Variants in ZC3H14 observed in about 807,000 individuals in gnomAD.
The protein encoded by ZC3H14 is zinc finger CCCH domain-containing protein 14.
A neutral mutation model predicts 92.4 loss-of-function variants in ZC3H14; 31 were observed. The observed-to-expected ratio is 0.34, with a 90% confidence interval of 0.25 to 0.45. The LOEUF (loss-of-function observed/expected upper bound fraction) is 0.45, where lower values mean the gene tolerates loss of function less well. ZC3H14 is among the 20% of genes least tolerant of loss of function. The pLI, the probability that ZC3H14 is intolerant of heterozygous loss-of-function variation, is 1.00. For missense variants in ZC3H14, 781 were observed against 897.3 expected (o/e 0.87, Z 1.66); for synonymous variants, 321 against 300.9 (o/e 1.07, Z -0.69).
chr14:88,570,340 CTGGGAAGGGA>C (rs896012543), intron 3 of ZC3H14, among the ~76,000 whole-genome samples: 6 of 152,060 alleles, frequency 3.9e-5, no homozygotes, highest in African/African-American at 1.4e-4. Flanking sequence ...TTGAGAGGTA[CTGGGAAGGGA>C]TGTAAGGCAA....
At chr14:88,603,918 A>G (rs1004664596) in intron 12 of ZC3H14, among the ~76,000 whole-genome samples, 5 of 152,210 alleles carry the variant, frequency 3.3e-5, no homozygotes, top group Non-Finnish European at 4.4e-5. Context: ...GAGCAATAAC[A>G]CTTAGCTTTA....
At chr14:88,566,369 T>C (rs1258299418) in intron 2 of ZC3H14, among the ~76,000 whole-genome samples, 1 of 151,806 alleles carries the variant, frequency 6.6e-6, no homozygotes. Flanking sequence ...GACCAAACAG[T>C]TTGAGAATTG....
intron 9 of ZC3H14, among the ~76,000 whole-genome samples, chr14:88,583,133 T>A (rs2139777083): frequency 6.6e-6 from 1 of 151,466 alleles, no homozygotes; most frequent in African/African-American, 2.4e-5. Flanking sequence ...TGTGCTTTTT[T>A]TTTATTTTTT....
chr14:88,569,691 C>T (rs1433805635), intron 3 of ZC3H14, among the ~76,000 whole-genome samples: 2 of 152,202 alleles, frequency 1.3e-5, no homozygotes, highest in Non-Finnish European at 2.9e-5. Context: ...CAAGAGGAGG[C>T]ACTGAGTGGG....
Position 88,625,082 on chromosome 14 carries a change from A to G in ZC3H14, c.*13331A>G. The G allele has an allele frequency of 6.2e-7, 1 of 1,613,972 alleles. No homozygotes were observed. Among genetic ancestry groups the G allele is most frequent in the Non-Finnish European group, 8.5e-7 (1 of 1,179,858 alleles). ...ATTCTACACAATATGTGATCTTTCC[A>G]CACACAGACATCACCACTGATGGTA... is the stretch of plus-strand genomic sequence containing the variant. On this transcript the variant is annotated 3_prime_UTR_variant, in exon 17 of 17. Coordinates refer to ENST00000251038, the MANE Select transcript of ZC3H14 (RefSeq NM_024824.5).
chr14:88,587,218 A>G (rs1353097273), intron 9 of ZC3H14, among the ~76,000 whole-genome samples: 3 of 151,046 alleles, frequency 2.0e-5, no homozygotes, highest in Non-Finnish European at 4.4e-5. Context: ...GCTGGAGTGC[A>G]GTGGCGTAAT....
At chr14:88,574,989 T>G in intron 7 of ZC3H14, 136 bp downstream of exon 7, 1 of 1,353,610 alleles carries the variant, frequency 7.4e-7, no homozygotes, top group South Asian at 1.3e-5. Flanking sequence ...CAGGCTGGAG[T>G]GCAGTGCCAC....
intron 9 of ZC3H14, chr14:88,590,468 G>C (rs370729260): frequency 7.9e-5 from 12 of 152,450 alleles, no homozygotes; most frequent in African/African-American, 2.4e-4. Flanking sequence ...CGTCTCAGAT[G>C]CTTTTGCCCT....
rs1031264084 is a variant in ZC3H14 at position 88,616,544 on chromosome 14, G to T, written c.*4793G>T. The T allele has an allele frequency of 6.3e-6, 4 of 630,016 alleles. No individual in the cohort carries two copies. Among genetic ancestry groups the T allele is most frequent in the African/African-American group, 1.8e-5 (1 of 54,556 alleles). The allele number at this position is 630,016 out of a possible 1,614,324, so 39.0% of individuals were successfully genotyped here. On this transcript the variant is annotated 3_prime_UTR_variant, in exon 17 of 17. Transcript: ENST00000251038. ...CTTTTGTAGGATGGTTCCAAAGATG[G>T]TATTACTCGAGGGAGAGGATTTGTT...
chr14:88,577,966 T>C lies in ZC3H14; in HGVS notation c.1124-19T>C. The C allele has an allele frequency of 6.2e-7, 1 of 1,614,024 alleles. No homozygotes were observed. The highest frequency in any genetic ancestry group is 2.2e-5 in the East Asian group (1 of 44,872). On this transcript the variant is annotated intron_variant, in intron 8 of 16. Coordinates refer to ENST00000251038, the MANE Select transcript of ZC3H14 (RefSeq NM_024824.5). Reference sequence around the variant, plus strand: ...ATTACTGCATTTGTATTTCTATCTTTTTTGCTTTTATGTGAAAGTTCCACA... The same window carrying C: ...ATTACTGCATTTGTATTTCTATCTTCTTTGCTTTTATGTGAAAGTTCCACA...
intron 6 of ZC3H14, among the ~76,000 whole-genome samples, chr14:88,573,972 C>A (rs1333835613): frequency 6.6e-6 from 1 of 152,098 alleles, no homozygotes; most frequent in African/African-American, 2.4e-5. Context: ...ACCAGATTTT[C>A]TTCCCCATGG....
intron 9 of ZC3H14, among the ~76,000 whole-genome samples, chr14:88,583,337 G>A (rs1423180230): frequency 6.6e-6 from 1 of 151,748 alleles, no homozygotes; most frequent in Non-Finnish European, 1.5e-5. Flanking sequence ...AGGCTGGTCT[G>A]GAACTCCTGA....
chr14:88,574,618 A>C (rs1241641566), intron 6 of ZC3H14, 75 bp from the exon 7 acceptor site: 1 of 1,574,256 alleles, frequency 6.4e-7, no homozygotes, highest in East Asian at 2.2e-5. Flanking sequence ...TTTTTTTCTT[A>C]AAATGGAAAC....
At position 88,618,608 on chromosome 14, in the gene ZC3H14, C is replaced by A. The variant is rs201768125; in HGVS notation, c.*6857C>A. ...CATTCACTAACACGAAATGTAAAAG[C>A]AGAAGAACTTGCCACCTGGGTATAC... On this transcript the variant is annotated 3_prime_UTR_variant, in exon 17 of 17. Transcript: ENST00000251038. The A allele has an allele frequency of 7.6e-6, 12 of 1,573,880 alleles. No homozygotes were observed. The East Asian group carries it at 1.8e-4, about 24-fold the overall frequency.
chr14:88,622,943 C>G lies in ZC3H14; in HGVS notation c.*11192C>G, dbSNP rs200473832. On this transcript the variant is annotated 3_prime_UTR_variant, in exon 17 of 17. Coordinates refer to ENST00000251038, the MANE Select transcript of ZC3H14 (RefSeq NM_024824.5). ...AGTGAATTTTATTTTGAGAAATACT[C>G]TTTTTTTCTGACATGAGCATAATTT... 2.2e-4 allele frequency: 85 copies of G among 389,050 alleles called. No homozygotes were observed. In the East Asian group the frequency reaches 3.3e-3, roughly 15 times the overall value. 24.1% of individuals were successfully genotyped at this position (389,050 alleles called of 1,614,324 possible).
At chr14:88,602,677 C>T in intron 11 of ZC3H14, 151 bp from the exon 12 acceptor site, 1 of 759,086 alleles carries the variant, frequency 1.3e-6, no homozygotes, top group Non-Finnish European at 2.2e-6. Context: ...GAGAACCCAC[C>T]AGTGCTGCAC....
At position 88,571,121 on chromosome 14, in the gene ZC3H14, A is replaced by G; in HGVS notation, c.232A>G (p.Thr78Ala). 1.3e-6 allele frequency: 2 copies of G among 1,580,094 alleles called. No homozygotes were observed. Among genetic ancestry groups the G allele is most frequent in the South Asian group, 1.2e-5 (1 of 85,620 alleles). ...ATTAGATAAACTTCGCTCTGTTACA[A>G]CTGGTAAGATTCATAACTTTTTTTT... Reference protein sequence around the residue: ...GVLDKLRSVTTEPSSLKSSDT... With the variant: ...GVLDKLRSVTAEPSSLKSSDT... The change falls in exon 4 of 17, where the codon ACT (threonine) becomes GCT (alanine). Residue 78 changes from threonine to alanine, a missense_variant. Thr to Ala is a moderately conservative substitution (Grantham distance 58). Transcript: ENST00000251038.
At chr14:88,606,130 A>C (rs927389562) in intron 12 of ZC3H14, among the ~76,000 whole-genome samples, 1 of 152,226 alleles carries the variant, frequency 6.6e-6, no homozygotes, top group East Asian at 1.9e-4. Flanking sequence ...AGAAATTAGC[A>C]GCTGATTATT....
In ZC3H14 at chr14:88,602,088, A is replaced by T; in HGVS notation, c.1514+5A>T. 1.2e-6 allele frequency: 2 copies of T among 1,613,766 alleles called. No homozygotes were observed. The highest frequency in any genetic ancestry group is 1.7e-6 in the Non-Finnish European group (2 of 1,179,736). Reference sequence around the variant, plus strand: ...AGGACACCTTATGCAGACACGGTAGATGGTTTCTTTTTCTTGTGTAGTTAA... The same window carrying T: ...AGGACACCTTATGCAGACACGGTAGTTGGTTTCTTTTTCTTGTGTAGTTAA... On this transcript the variant is annotated splice_donor_5th_base_variant and intron_variant, in intron 11 of 16. Coordinates refer to ENST00000251038, the MANE Select transcript of ZC3H14 (RefSeq NM_024824.5).
Sources: gnomAD v4.1 joint callset for allele counts (sites outside exome capture counted in the v4.1 genomes callset) on GRCh38, gnomAD v4.1.1 for gene constraint, MANE v1.5 for transcripts, NCBI Gene and HGNC (gene_info 2026-07-23, HGNC 2026-07-21) for gene names.